The following MAST2 variants were observed in gnomAD, a reference collection of about 807,000 sequenced individuals.
The protein encoded by MAST2 is microtubule associated serine/threonine kinase 2.
MAST2 carries 70 observed loss-of-function variants against 147.4 expected under a neutral mutation model. The observed-to-expected ratio is 0.47, with a 90% CI of 0.39 to 0.58. The LOEUF (loss-of-function observed/expected upper bound fraction) is 0.58, where lower values mean the gene tolerates loss of function less well. Among genes scored for constraint, MAST2 ranks in the 20% least tolerant of loss-of-function variants. The probability of loss-of-function intolerance (pLI) is 0.00; values close to 1 mark genes in which losing one functional copy is unlikely to be tolerated. For synonymous variants in MAST2, 869 were observed against 896.8 expected, an observed-to-expected ratio of 0.97 and a Z score of 0.55; for missense variants, 2,080 against 2,302.3, an observed-to-expected ratio of 0.90 and a Z score of 1.98.
intron 18 of MAST2, chr1:46,029,197 C>T (rs1007199107): frequency 1.8e-6 from 1 of 548,666 alleles, no homozygotes; most frequent in Non-Finnish European, 3.2e-6. Context: ...ATGTGCACAT[C>T]CCATAAGTGT....
intron 4 of MAST2, among the ~76,000 whole-genome samples, chr1:45,954,032 T>G (rs1363537366): frequency 3.9e-5 from 6 of 152,164 alleles, no homozygotes; most frequent in African/African-American, 1.4e-4. Context: ...CTCCACATTC[T>G]TCTTTATATT....
chr1:45,898,941 C>T (rs1322130622), intron 4 of MAST2, among the ~76,000 whole-genome samples: 1 of 152,166 alleles, frequency 6.6e-6, no homozygotes, highest in East Asian at 1.9e-4. Flanking sequence ...TCCATATGGG[C>T]ATTCTTTTAA....
intron 4 of MAST2, among the ~76,000 whole-genome samples, chr1:45,886,637 T>C (rs1557868879): frequency 6.6e-6 from 1 of 152,216 alleles, no homozygotes; most frequent in Non-Finnish European, 1.5e-5. Context: ...TTGTTCAAAG[T>C]ACAATATCTG....
chr1:45,870,348 T>C (rs1646332972), intron 3 of MAST2, among the ~76,000 whole-genome samples: 1 of 152,174 alleles, frequency 6.6e-6, no homozygotes. Context: ...CATTCACATT[T>C]TGTTGGTAAA....
intron 3 of MAST2, among the ~76,000 whole-genome samples, chr1:45,841,159 G>T (rs115881377): frequency 6.6e-6 from 1 of 151,900 alleles, no homozygotes; most frequent in Non-Finnish European, 1.5e-5. Context: ...TCCCTGTGCT[G>T]CCCAGGCTGG....
intron 3 of MAST2, among the ~76,000 whole-genome samples, chr1:45,871,257 TTTTTCTTA>T (rs1437443111): frequency 6.6e-6 from 1 of 152,108 alleles, no homozygotes; most frequent in East Asian, 1.9e-4. Flanking sequence ...GGTAGAGTTT[TTTTTCTTA>T]TTTTCTTTTT....
At chr1:45,976,622 T>G (rs1320935993) in intron 5 of MAST2, among the ~76,000 whole-genome samples, 1 of 152,226 alleles carries the variant, frequency 6.6e-6, no homozygotes, top group Non-Finnish European at 1.5e-5. Flanking sequence ...CTACGGTTTT[T>G]GGCCATAAGA....
At chr1:45,978,501 G>A (rs928241059) in intron 5 of MAST2, among the ~76,000 whole-genome samples, 2 of 152,180 alleles carry the variant, frequency 1.3e-5, no homozygotes, top group African/African-American at 4.8e-5. Context: ...GGGCAACAGA[G>A]CGAGACTCTG....
chr1:45,926,375 T>C lies in MAST2; in HGVS notation c.501-33011T>C, dbSNP rs76305654. Among the ~76,000 whole-genome samples the C allele has an allele frequency of 7.4e-4, 112 of 152,332 alleles. 1 individual carries two copies. In the East Asian group the frequency reaches 0.02, roughly 28 times the overall value. ...ACTTCATTTTGCTTCCATTACTTTT[T>C]TCTTTGCTTCTATTACTTTTCTCAT... is the stretch of plus-strand genomic sequence containing the variant. On this transcript the variant is annotated intron_variant, in intron 4 of 28. Transcript: ENST00000361297.
chr1:45,832,539 C>T (rs1455967429), intron 3 of MAST2, among the ~76,000 whole-genome samples: 3 of 152,156 alleles, frequency 2.0e-5, no homozygotes, highest in Non-Finnish European at 2.9e-5. Flanking sequence ...AGTGATCCAC[C>T]GGCCTTGGCC....
At chr1:45,831,076 G>A (rs1328577264) in intron 3 of MAST2, among the ~76,000 whole-genome samples, 3 of 149,920 alleles carry the variant, frequency 2.0e-5, no homozygotes, top group Non-Finnish European at 4.4e-5. Context: ...GGCTTTGTGT[G>A]ATAGGCAGGG....
intron 4 of MAST2, among the ~76,000 whole-genome samples, chr1:45,924,278 C>T (rs1380859745): frequency 6.6e-6 from 1 of 152,194 alleles, no homozygotes; most frequent in Non-Finnish European, 1.5e-5. Context: ...CAGTCCAGAA[C>T]AGAATCTGTG....
At chr1:45,876,446 G>A (rs1378852823) in intron 3 of MAST2, among the ~76,000 whole-genome samples, 3 of 152,220 alleles carry the variant, frequency 2.0e-5, no homozygotes, top group Non-Finnish European at 4.4e-5. Flanking sequence ...AACATGAAGA[G>A]TCAAGAGATA....
At chr1:45,897,611 C>T (rs1420160717) in intron 4 of MAST2, among the ~76,000 whole-genome samples, 1 of 151,886 alleles carries the variant, frequency 6.6e-6, no homozygotes, top group South Asian at 2.1e-4. Flanking sequence ...GAGTTTGAGA[C>T]CAGCCTGGGC....
At chr1:45,910,862 T>G (rs537474946) in intron 4 of MAST2, among the ~76,000 whole-genome samples, 130 of 152,334 alleles carry the variant, frequency 8.5e-4, no homozygotes, top group Non-Finnish European at 1.6e-3. Context: ...CTGATATAGT[T>G]GCCTCTCTTT....
chr1:45,956,175 A>T (rs1659636350), intron 4 of MAST2, among the ~76,000 whole-genome samples: 2 of 152,102 alleles, frequency 1.3e-5, no homozygotes, highest in African/African-American at 4.8e-5. Context: ...GTCAAATTCA[A>T]ATTTTATTTT....
intron 4 of MAST2, among the ~76,000 whole-genome samples, chr1:45,922,363 G>A (rs140892810): frequency 1.3e-5 from 2 of 152,352 alleles, no homozygotes; most frequent in South Asian, 4.1e-4. Context: ...TCTGCCTCCT[G>A]CTGCTGTTCA....
At chr1:45,980,143 G>A (rs964201710) in intron 5 of MAST2, among the ~76,000 whole-genome samples, 2 of 151,964 alleles carry the variant, frequency 1.3e-5, no homozygotes, top group Admixed American at 6.6e-5. Context: ...AAATTAGCCT[G>A]GTGTCATGGC....
chr1:45,824,455 C>A lies in MAST2; in HGVS notation c.200C>A (p.Pro67His). ...KEQDVVTGVS[P>H]LLFRKLSNPD... ...AAGGATGTAGTAACTGGAGTTAGTC[C>A]CCTGCTCTTCAGGAAACTCAGTAAT... The change falls in exon 2 of 29, where the codon CCC (proline) becomes CAC (histidine). Residue 67 changes from proline to histidine, a missense_variant. Pro to His is a moderately conservative substitution (Grantham distance 77, BLOSUM62 -2). This residue lies in a region of MAST2 where 569 missense variants were observed against 642.5 expected (regional missense o/e 0.89). Coordinates refer to ENST00000361297, the MANE Select transcript of MAST2 (RefSeq NM_015112.3). 1 of 1,606,586 alleles carries A rather than the reference C, an allele frequency of 6.2e-7. No individual in the cohort carries two copies. Among genetic ancestry groups the A allele is most frequent in the Non-Finnish European group, 8.5e-7 (1 of 1,175,510 alleles).
Sources: allele counts gnomAD v4.1 joint callset (sites outside exome capture counted in the v4.1 genomes callset), GRCh38; gene constraint gnomAD v4.1.1; regional missense constraint gnomAD v4.1.1; transcripts MANE v1.5; gene names NCBI Gene and HGNC (gene_info 2026-07-23, HGNC 2026-07-21).